The following ATG10 variants were observed in gnomAD, a reference collection of about 807,000 sequenced individuals.
The protein encoded by ATG10 is autophagy related 10.
A neutral mutation model predicts 32.1 loss-of-function variants in ATG10; 30 were observed. That is an observed-to-expected ratio of 0.94 (90% CI 0.70 to 1.27). The LOEUF is 1.27. ATG10 is among the 50% of genes most tolerant of loss of function. The pLI, the probability that ATG10 is intolerant of heterozygous loss-of-function variation, is 0.00. For synonymous variants in ATG10, 87 were observed against 91.5 expected (o/e 0.95, Z 0.28); for missense variants, 233 against 262.3 (o/e 0.89, Z 0.77).
At chr5:82,135,859 T>C (rs906572208) in intron 3 of ATG10, among the ~76,000 whole-genome samples, 3 of 152,192 alleles carry the variant, frequency 2.0e-5, no homozygotes, top group Non-Finnish European at 4.4e-5. Context: ...AGTCTAAGTC[T>C]CTTTGTAGGT....
chr5:82,072,274 G>C (rs185764231), intron 3 of ATG10, among the ~76,000 whole-genome samples: 1 of 152,218 alleles, frequency 6.6e-6, no homozygotes, highest in East Asian at 1.9e-4. Flanking sequence ...GCTTGCTAGA[G>C]GTTATCTGCT....
chr5:82,187,840 G>A (rs1243403817), intron 5 of ATG10, among the ~76,000 whole-genome samples: 3 of 151,874 alleles, frequency 2.0e-5, no homozygotes, highest in Admixed American at 6.6e-5. Context: ...CACCCACCTC[G>A]GCCTCCCAAA....
intron 5 of ATG10, among the ~76,000 whole-genome samples, chr5:82,209,626 C>A (rs980476985): frequency 6.6e-6 from 1 of 152,162 alleles, no homozygotes; most frequent in Non-Finnish European, 1.5e-5. Context: ...GTTGTTACAG[C>A]AGTCTGAATG....
At chr5:82,050,839 C>CAAAAAAAAAAA (rs71000881) in intron 2 of ATG10, among the ~76,000 whole-genome samples, 1 of 36,272 alleles carries the variant, frequency 2.8e-5, no homozygotes, top group Non-Finnish European at 4.6e-5. Context: ...CCATCTCTAC[C>CAAAAAAAAAAA]AAAAAAAAAA....
rs1746239627 is a variant in ATG10 at position 82,228,887 on chromosome 5, A to G, written c.454-23675A>G. On this transcript the variant is annotated intron_variant, in intron 5 of 7. Transcript: ENST00000282185. ...GCATAAAATTATCTTTATAATTTATATTTTCCTGAGTACCAGCTATAAGAA... is the reference window on the plus strand; with the variant it reads ...GCATAAAATTATCTTTATAATTTATGTTTTCCTGAGTACCAGCTATAAGAA... Among the ~76,000 whole-genome samples the G allele has an allele frequency of 3.3e-5, 5 of 152,208 alleles. No homozygotes were observed. The South Asian group carries it at 1.0e-3, about 32-fold the overall frequency.
intron 2 of ATG10, among the ~76,000 whole-genome samples, chr5:82,055,294 GT>G (rs1561276046): frequency 6.6e-6 from 1 of 151,824 alleles, no homozygotes; most frequent in African/African-American, 2.4e-5. Flanking sequence ...GCGTACTTCC[GT>G]ATCGATAATA....
chr5:82,008,303 T>C (rs896241929), intron 2 of ATG10, among the ~76,000 whole-genome samples: 2 of 152,192 alleles, frequency 1.3e-5, no homozygotes, highest in Non-Finnish European at 2.9e-5. Flanking sequence ...GATTTTTTTT[T>C]CTTTACCTTA....
intron 5 of ATG10, among the ~76,000 whole-genome samples, chr5:82,200,175 A>C (rs554361570): frequency 6.6e-6 from 1 of 152,042 alleles, no homozygotes; most frequent in East Asian, 1.9e-4. Context: ...TCTGGTCTAT[A>C]TGATAATTTT....
At chr5:82,020,741 T>C (rs1432934567) in intron 2 of ATG10, among the ~76,000 whole-genome samples, 1 of 152,132 alleles carries the variant, frequency 6.6e-6, no homozygotes, top group Non-Finnish European at 1.5e-5. Flanking sequence ...AAAGTAGAAA[T>C]ACTCAAGTAC....
chr5:82,231,003 C>T (rs1013400869), intron 5 of ATG10, among the ~76,000 whole-genome samples: 6 of 152,046 alleles, frequency 3.9e-5, no homozygotes, highest in African/African-American at 1.2e-4. Context: ...AAGAAATAAA[C>T]CTTTAAGAGG....
At chr5:82,251,904 T>G (rs1432342622) in intron 5 of ATG10, among the ~76,000 whole-genome samples, 1 of 152,042 alleles carries the variant, frequency 6.6e-6, no homozygotes, top group African/African-American at 2.4e-5. Flanking sequence ...GGCTTTTAAC[T>G]TATAAAAACA....
intron 3 of ATG10, among the ~76,000 whole-genome samples, chr5:82,085,668 T>A (rs1764658346): frequency 6.6e-6 from 1 of 151,248 alleles, no homozygotes; most frequent in African/African-American, 2.5e-5. Context: ...AAAATACTAA[T>A]GATACATGTA....
At chr5:82,152,868 C>T (rs1376091888) in intron 3 of ATG10, among the ~76,000 whole-genome samples, 1 of 152,102 alleles carries the variant, frequency 6.6e-6, no homozygotes. Context: ...GTTTAGAGAT[C>T]TCTGATTTAT....
chr5:82,090,230 A>G (rs898096488), intron 3 of ATG10, among the ~76,000 whole-genome samples: 2 of 152,214 alleles, frequency 1.3e-5, no homozygotes, highest in African/African-American at 4.8e-5. Flanking sequence ...ACATACAATT[A>G]CCATATGACC....
intron 2 of ATG10, among the ~76,000 whole-genome samples, chr5:82,032,156 C>T (rs1477194150): frequency 1.3e-5 from 2 of 152,146 alleles, no homozygotes; most frequent in Non-Finnish European, 2.9e-5. Flanking sequence ...TGCTGTTTGC[C>T]CCTGGAAACG....
At position 82,005,574 on chromosome 5, in the gene ATG10, C is replaced by T. The variant is rs368540653; in HGVS notation, c.108+17896C>T. On this transcript the variant is annotated intron_variant, in intron 2 of 7. Coordinates refer to ENST00000282185, the MANE Select transcript of ATG10 (RefSeq NM_031482.5). ...CCTCCCAAAGTGCTGGGATTACAGG[C>T]GTGAGCCACCGCACATTTATAATTA... Among the ~76,000 whole-genome samples the T allele has an allele frequency of 5.5e-4, 84 of 152,300 alleles. 1 individual carries two copies. In the Middle Eastern group the frequency reaches 0.014, roughly 25 times the overall value.
chr5:82,130,991 A>G (rs911188442), intron 3 of ATG10, among the ~76,000 whole-genome samples: 2 of 152,136 alleles, frequency 1.3e-5, no homozygotes, highest in Admixed American at 6.6e-5. Context: ...CAAATGCTAC[A>G]TTTTCTCACT....
chr5:82,070,619 T>C (rs1764101109), intron 3 of ATG10, among the ~76,000 whole-genome samples: 1 of 152,148 alleles, frequency 6.6e-6, no homozygotes, highest in Non-Finnish European at 1.5e-5. Context: ...TCAGTCCTCT[T>C]TTATTTCTCT....
intron 3 of ATG10, among the ~76,000 whole-genome samples, chr5:82,160,533 G>T (rs948394900): frequency 2.6e-5 from 4 of 152,120 alleles, no homozygotes; most frequent in African/African-American, 9.7e-5. Context: ...CAGTTGGTCG[G>T]TTGTGTGGTA....
Sources: gnomAD v4.1 joint callset for allele counts (sites outside exome capture counted in the v4.1 genomes callset) on GRCh38, gnomAD v4.1.1 for gene constraint, MANE v1.5 for transcripts, NCBI Gene and HGNC (gene_info 2026-07-23, HGNC 2026-07-21) for gene names.